The following PLCB4 variants were observed in gnomAD, a reference collection of about 807,000 sequenced individuals.
The protein encoded by PLCB4 is 1-phosphatidylinositol 4,5-bisphosphate phosphodiesterase beta-4.
Under a neutral mutation model 178.8 loss-of-function variants are expected in PLCB4, and 77 were observed. The observed-to-expected ratio is 0.43, with a 90% CI of 0.36 to 0.52. The LOEUF is 0.52. PLCB4 is among the 20% of genes least tolerant of loss of function. The pLI, the probability that PLCB4 is intolerant of heterozygous loss-of-function variation, is 0.00. For missense variants in PLCB4, 1,024 were observed against 1,453.4 expected (o/e 0.70, Z 4.80); for synonymous variants, 496 against 490.8 (o/e 1.01, Z -0.14).
intron 2 of PLCB4, among the ~76,000 whole-genome samples, chr20:9,111,311 G>GT (rs776004212): frequency 6.6e-6 from 1 of 151,872 alleles, no homozygotes; most frequent in Non-Finnish European, 1.5e-5. Context: ...GTTTTTGTTT[G>GT]TTTTACGAAA....
intron 4 of PLCB4, among the ~76,000 whole-genome samples, chr20:9,315,849 C>T (rs1227335916): frequency 6.6e-6 from 1 of 151,962 alleles, no homozygotes; most frequent in Non-Finnish European, 1.5e-5. Context: ...ACAAAAATCG[C>T]TTGAACCTGG....
chr20:9,190,129 T>G (rs2093382244), intron 2 of PLCB4, among the ~76,000 whole-genome samples: 1 of 152,126 alleles, frequency 6.6e-6, no homozygotes, highest in African/African-American at 2.4e-5. Context: ...TCTGGCTGGC[T>G]GAAGGGGAAC....
chr20:9,399,130 A>G (rs1318034616), intron 19 of PLCB4, among the ~76,000 whole-genome samples: 1 of 152,246 alleles, frequency 6.6e-6, no homozygotes, highest in East Asian at 1.9e-4. Context: ...CCCACCATCT[A>G]CATCCATATG....
chr20:9,260,665 C>G (rs1200480986), intron 3 of PLCB4, among the ~76,000 whole-genome samples: 2 of 152,018 alleles, frequency 1.3e-5, no homozygotes, highest in Non-Finnish European at 2.9e-5. Flanking sequence ...TATATAATAA[C>G]TAGGACTAGT....
chr20:9,194,886 A>G (rs1287261410), intron 2 of PLCB4, among the ~76,000 whole-genome samples: 1 of 152,124 alleles, frequency 6.6e-6, no homozygotes, highest in Non-Finnish European at 1.5e-5. Context: ...TACTTCATGC[A>G]TTGTCCTAAT....
At chr20:9,237,195 T>C (rs961001845) in intron 3 of PLCB4, among the ~76,000 whole-genome samples, 1 of 152,184 alleles carries the variant, frequency 6.6e-6, no homozygotes, top group Non-Finnish European at 1.5e-5. Flanking sequence ...GTCAAGACTT[T>C]TCATATGTAG....
chr20:9,174,200 G>C (rs540233583), intron 2 of PLCB4, among the ~76,000 whole-genome samples: 2 of 152,162 alleles, frequency 1.3e-5, no homozygotes, highest in African/African-American at 4.8e-5. Flanking sequence ...GTTCAGTGGC[G>C]TGATCATGGC....
At chr20:9,414,682 G>A (rs1568777342) in intron 25 of PLCB4, among the ~76,000 whole-genome samples, 1 of 152,178 alleles carries the variant, frequency 6.6e-6, no homozygotes, top group Admixed American at 6.5e-5. Flanking sequence ...TGATCTTGTG[G>A]GAGGACGCAC....
intron 2 of PLCB4, among the ~76,000 whole-genome samples, chr20:9,182,400 A>T (rs1568908771): frequency 6.6e-6 from 1 of 152,098 alleles, no homozygotes; most frequent in Non-Finnish European, 1.5e-5. Context: ...TGTCTACGGG[A>T]GGCATGTTCT....
intron 4 of PLCB4, among the ~76,000 whole-genome samples, chr20:9,316,024 T>C (rs6086835): frequency 0.32 from 48,055 of 151,838 alleles, 10,534 homozygotes; most frequent in African/African-American, 0.62. Flanking sequence ...AATGCTAGGC[T>C]CTGAGGCAAA....
intron 2 of PLCB4, among the ~76,000 whole-genome samples, chr20:9,141,152 C>T (rs563595052): frequency 1.3e-5 from 2 of 152,224 alleles, no homozygotes; most frequent in Admixed American, 6.5e-5. Flanking sequence ...GCTTCTACCA[C>T]CATGGGGCCC....
chr20:9,273,689 T>TGC (rs2094426246), intron 3 of PLCB4, among the ~76,000 whole-genome samples: 1 of 145,492 alleles, frequency 6.9e-6, no homozygotes, highest in African/African-American at 2.5e-5. Flanking sequence ...TGTGTGTGTG[T>TGC]GTGTGTGTGT....
chr20:9,103,813 A>T (rs1284778145), intron 2 of PLCB4, among the ~76,000 whole-genome samples: 1 of 152,200 alleles, frequency 6.6e-6, no homozygotes, highest in African/African-American at 2.4e-5. Context: ...AGAAATAACT[A>T]AGAGGCTAAA....
chr20:9,105,483 G>GTGC (rs1267096324), intron 2 of PLCB4, among the ~76,000 whole-genome samples: 2 of 152,010 alleles, frequency 1.3e-5, no homozygotes, highest in East Asian at 3.9e-4. Flanking sequence ...TAATTCCAAA[G>GTGC]TGCATCTGGA....
At chr20:9,199,476 A>G (rs6039412) in intron 2 of PLCB4, among the ~76,000 whole-genome samples, 73,298 of 151,958 alleles carry the variant, frequency 0.48, 18,444 homozygotes, top group African/African-American at 0.63. Flanking sequence ...TGTTCCCATC[A>G]CTGATGGAAT....
chr20:9,450,164 T>C lies in PLCB4; in HGVS notation c.2881-3183T>C, dbSNP rs78717933. Among the ~76,000 whole-genome samples the C allele has an allele frequency of 1.3e-3, 203 of 152,354 alleles. No homozygotes were observed. In the Middle Eastern group the frequency reaches 0.014, roughly 10 times the overall value. ...TACTTTAAGTTAACACATTTAATTTTGGTACTCTTGGCTTGAATGAATGAG... is the reference window on the plus strand; with the variant it reads ...TACTTTAAGTTAACACATTTAATTTCGGTACTCTTGGCTTGAATGAATGAG... On this transcript the variant is annotated intron_variant, in intron 32 of 39. Transcript: ENST00000378473.
At chr20:9,382,354 G>A (rs1938184910) in intron 13 of PLCB4, among the ~76,000 whole-genome samples, 1 of 152,178 alleles carries the variant, frequency 6.6e-6, no homozygotes, top group Admixed American at 6.5e-5. Context: ...AGCAGCCAGA[G>A]TAAACCTTTT....
chr20:9,338,685 A>G (rs1191924220), intron 6 of PLCB4, among the ~76,000 whole-genome samples: 1 of 152,180 alleles, frequency 6.6e-6, no homozygotes, highest in Non-Finnish European at 1.5e-5. Context: ...ACCTCCCCCA[A>G]CCAAAAAATT....
At chr20:9,264,488 G>A (rs1262843933) in intron 3 of PLCB4, among the ~76,000 whole-genome samples, 1 of 152,106 alleles carries the variant, frequency 6.6e-6, no homozygotes, top group Non-Finnish European at 1.5e-5. Flanking sequence ...TCTCTCAATG[G>A]GGCCCTTCTG....
Sources: allele counts gnomAD v4.1 joint callset (sites outside exome capture counted in the v4.1 genomes callset), GRCh38; gene constraint gnomAD v4.1.1; transcripts MANE v1.5; gene names NCBI Gene and HGNC (gene_info 2026-07-23, HGNC 2026-07-21).